The following PACRGL variants were observed in gnomAD, a reference collection of about 807,000 sequenced individuals.
The protein encoded by PACRGL is parkin coregulated like, also known as PACRG-like protein.
In PACRGL, 38 loss-of-function variants were observed where a neutral mutation model predicts 34.5. The observed-to-expected ratio is 1.10, with a 90% CI of 0.85 to 1.44. The LOEUF is 1.44. Among genes scored for constraint, PACRGL ranks in the 40% most tolerant of loss-of-function variants. The pLI, the probability that PACRGL is intolerant of heterozygous loss-of-function variation, is 0.00. For missense variants in PACRGL, 305 were observed against 281.4 expected, an observed-to-expected ratio of 1.08 and a Z score of -0.60; for synonymous variants, 128 against 100.1, an observed-to-expected ratio of 1.28 and a Z score of -1.66.
At chr4:20,744,969 C>T (rs1033223556) in intron 8 of PACRGL, among the ~76,000 whole-genome samples, 12 of 152,010 alleles carry the variant, frequency 7.9e-5, no homozygotes, top group African/African-American at 2.2e-4. Context: ...TCCCTTTGGC[C>T]GGACAACTGG....
Position 20,737,865 on chromosome 4 carries a change from C to T in PACRGL, c.*56+10468C>T, listed in dbSNP as rs896455356. The stretch of plus-strand genomic sequence containing the variant: ...ACAACCAGCAGGCTGGGGATCATGG[C>T]TCATGCCTGTAATCCCAGCACTTTG... On this transcript the variant is annotated intron_variant, in intron 8 of 8. Transcript: ENST00000507634. 2.0e-5 allele frequency among the ~76,000 whole-genome samples: 3 copies of T among 152,326 alleles called. No individual in the cohort carries two copies. In the East Asian group the frequency reaches 5.8e-4, roughly 29 times the overall value.
At chr4:20,711,420 T>A (rs1296267844) in intron 5 of PACRGL, among the ~76,000 whole-genome samples, 1 of 152,200 alleles carries the variant, frequency 6.6e-6, no homozygotes, top group Non-Finnish European at 1.5e-5. Flanking sequence ...CACTTCAGCT[T>A]TTAATCTGAG....
At chr4:20,738,996 C>G (rs1750385924) in intron 8 of PACRGL, among the ~76,000 whole-genome samples, 1 of 152,176 alleles carries the variant, frequency 6.6e-6, no homozygotes, top group Non-Finnish European at 1.5e-5. Flanking sequence ...ACTGCTATCA[C>G]AGAAGTCCGA....
chr4:20,704,685 A>C lies in PACRGL; in HGVS notation c.78A>C (p.Ser26=), dbSNP rs1225201813. 3.7e-6 allele frequency: 6 copies of C among 1,614,042 alleles called. No homozygotes were observed. The African/African-American group carries it at 5.3e-5, about 14-fold the overall frequency. The change falls in exon 3 of 9, where the codon TCA becomes TCC. Residue 26 remains serine (S), a synonymous_variant. Coordinates refer to ENST00000503585, the MANE Select transcript of PACRGL (RefSeq NM_001258345.3). ...GTAACTATGATCAAAGGACATCATC[A>C]AGCACACAGTTAAAACACAGGAATG... The part of the protein sequence containing the change: ...ATGNYDQRTS[S]STQLKHRNAV...
chr4:20,704,672 A>G lies in PACRGL; in HGVS notation c.65A>G (p.Gln22Arg). 6.2e-7 allele frequency: 1 copy of G among 1,614,126 alleles called. No individual in the cohort carries two copies. Reference sequence around the variant, plus strand: ...TGTTTTTTTCCAGGTAACTATGATCAAAGGACATCATCAAGCACACAGTTA... The same window carrying G: ...TGTTTTTTTCCAGGTAACTATGATCGAAGGACATCATCAAGCACACAGTTA... The part of the protein sequence containing the change: ...LKNRATGNYD[Q>R]RTSSSTQLKH... The change falls in exon 3 of 9, where the codon CAA becomes CGA. Residue 22 changes from glutamine (Q) to arginine (R), a missense_variant. Transcript: ENST00000503585.
At chr4:20,759,018 T>A in the PACRGL span, 1 of 668,224 alleles carries the variant, frequency 1.5e-6, no homozygotes, top group Admixed American at 2.8e-5. Context: ...CATCCATTAT[T>A]ACAAAGGGAA....
Position 20,709,663 on chromosome 4 carries a change from C to T in PACRGL, c.276-20C>T. 1 of 1,478,548 alleles carries T rather than the reference C, an allele frequency of 6.8e-7. No homozygotes were observed. Among genetic ancestry groups the T allele is most frequent in the Non-Finnish European group, 9.3e-7 (1 of 1,071,052 alleles). 91.6% of individuals were successfully genotyped at this position (1,478,548 alleles called of 1,614,324 possible). A position where few individuals can be genotyped will look rare whatever the true frequency, so the allele number is the denominator to read the frequency against. ...AGAATTATATTTTTCTTGTTGCATT[C>T]ACTAACTTTTATATTTTAGATTGGT... On this transcript the variant is annotated intron_variant, in intron 4 of 8. Coordinates refer to ENST00000503585, the MANE Select transcript of PACRGL (RefSeq NM_001258345.3).
chr4:20,762,393 A>G, the PACRGL span, among the ~76,000 whole-genome samples: 4 of 152,364 alleles, frequency 2.6e-5, 1 homozygote, highest in East Asian at 1.9e-4. Flanking sequence ...AGCAAAGACC[A>G]ATAACTAAAT....
At chr4:20,717,429 A>G (rs1253279477) in intron 7 of PACRGL, among the ~76,000 whole-genome samples, 1 of 152,092 alleles carries the variant, frequency 6.6e-6, no homozygotes, top group Non-Finnish European at 1.5e-5. Context: ...CCTGAATGGT[A>G]TTGCCTAGGT....
In PACRGL at chr4:20,732,181, C is replaced by A; in HGVS notation, c.*4840C>A. On this transcript the variant is annotated 3_prime_UTR_variant, in exon 9 of 9. Coordinates refer to ENST00000503585, the MANE Select transcript of PACRGL (RefSeq NM_001258345.3). ...AAAACCTAGCTGCTTATTTATTTCA[C>A]GTGGAGGAACTGTTTCAGAGCAGGA... 1.4e-6 allele frequency: 1 copy of A among 711,150 alleles called. No individual in the cohort carries two copies. The highest frequency in any genetic ancestry group is 1.8e-5 in the South Asian group (1 of 54,848). The allele number at this position is 711,150 out of a possible 1,614,324, so 44.1% of individuals were successfully genotyped here.
intron 8 of PACRGL, among the ~76,000 whole-genome samples, chr4:20,748,599 TATA>T (rs1560431250): frequency 1.9e-5 from 2 of 102,800 alleles, no homozygotes; most frequent in African/African-American, 6.6e-5. Context: ...TATATATATA[TATA>T]TATTCCATAA....
intron 5 of PACRGL, among the ~76,000 whole-genome samples, chr4:20,712,431 AATT>A (rs1277518972): frequency 6.6e-6 from 1 of 152,120 alleles, no homozygotes; most frequent in East Asian, 1.9e-4. Context: ...ACAATATAAA[AATT>A]ATTGATGAAG....
downstream of PACRGL, among the ~76,000 whole-genome samples, chr4:20,753,728 C>T (rs1196989208): frequency 6.6e-6 from 1 of 151,454 alleles, no homozygotes. Context: ...CTCTGTAAAT[C>T]ACCCTGAAAA....
At chr4:20,741,921 A>G (rs1377892894) in intron 8 of PACRGL, among the ~76,000 whole-genome samples, 2 of 152,234 alleles carry the variant, frequency 1.3e-5, no homozygotes, top group Non-Finnish European at 2.9e-5. Flanking sequence ...ACAAACTACC[A>G]TCAGAGAATA....
Position 20,713,526 on chromosome 4 carries a change from A to G in PACRGL, c.596A>G (p.His199Arg). The G allele has an allele frequency of 1.2e-5, 20 of 1,610,676 alleles. No individual in the cohort carries two copies. Among genetic ancestry groups the G allele is most frequent in the Non-Finnish European group, 1.7e-5 (20 of 1,177,092 alleles). Residue 199 changes from histidine to arginine, a missense_variant, in exon 7 of 9, where the codon CAT becomes CGT. Coordinates refer to ENST00000503585, the MANE Select transcript of PACRGL (RefSeq NM_001258345.3). ...VGPSLNDHLKHLLTSLSKRLM... is the reference protein window; with the variant it reads ...VGPSLNDHLKRLLTSLSKRLM... Reference sequence around the variant, plus strand: ...CCTTCTCTAAACGACCATCTGAAGCATCTGCTTACAAGCGTAAGTACTGCA... The same window carrying G: ...CCTTCTCTAAACGACCATCTGAAGCGTCTGCTTACAAGCGTAAGTACTGCA...
intron 5 of PACRGL, among the ~76,000 whole-genome samples, chr4:20,710,551 A>G (rs1231569119): frequency 1.3e-5 from 2 of 152,170 alleles, no homozygotes; most frequent in African/African-American, 2.4e-5. Flanking sequence ...TCTTTCACTG[A>G]TAGTTTTATT....
At chr4:20,747,566 A>G (rs186562844) in intron 8 of PACRGL, among the ~76,000 whole-genome samples, 1 of 152,092 alleles carries the variant, frequency 6.6e-6, no homozygotes, top group East Asian at 1.9e-4. Context: ...CTCTCCCTCC[A>G]CTAACTGCTT....
rs909342945 is a variant in PACRGL, at chr4:20,729,047, T to G, written c.*1706T>G. ...AATGGAACCACTGGTGCTTTCAAAG[T>G]GAATTTTGCTTGCTAATTTTGCTTG... On this transcript the variant is annotated 3_prime_UTR_variant, in exon 9 of 9. Coordinates refer to ENST00000503585, the MANE Select transcript of PACRGL (RefSeq NM_001258345.3). 8.0e-5 allele frequency: 12 copies of G among 150,180 alleles called. No individual in the cohort carries two copies. The highest frequency in any genetic ancestry group is 2.0e-4 in the Admixed American group (3 of 15,046). 9.3% of individuals were successfully genotyped at this position (150,180 alleles called of 1,614,324 possible).
At chr4:20,754,824 C>G (rs976164478), downstream of PACRGL, among the ~76,000 whole-genome samples, 2 of 151,968 alleles carry the variant, frequency 1.3e-5, no homozygotes, top group Non-Finnish European at 2.9e-5. Context: ...TAATGTGGAG[C>G]TCTATCCAAG....
Sources: allele counts gnomAD v4.1 joint callset (sites outside exome capture counted in the v4.1 genomes callset), GRCh38; gene constraint gnomAD v4.1.1; transcripts MANE v1.5; gene names NCBI Gene and HGNC (gene_info 2026-07-23, HGNC 2026-07-21).